The following TMPRSS9 variants were observed in gnomAD, a reference collection of about 807,000 sequenced individuals.
The protein encoded by TMPRSS9 is transmembrane protease serine 9.
In TMPRSS9, 113 loss-of-function variants were observed where a neutral mutation model predicts 111.4. The ratio of observed to expected loss-of-function variants is 1.01; its 90% CI spans 0.87 to 1.19. TMPRSS9 has a LOEUF of 1.19. Ranked by LOEUF, TMPRSS9 falls within the 50% of genes most tolerant of loss-of-function variation. TMPRSS9 has a pLI of 0.00. For missense variants in TMPRSS9, 1,803 were observed against 1,513.1 expected (o/e 1.19, Z -3.18); for synonymous variants, 805 against 659.1 (o/e 1.22, Z -3.39).
chr19:2,374,388 T>C (rs1432553341), intron 1 of TMPRSS9, among the ~76,000 whole-genome samples: 2 of 130,990 alleles, frequency 1.5e-5, no homozygotes, highest in African/African-American at 3.2e-5. Context: ...CCCTGACCAA[T>C]ATGGTGAAAC....
Position 2,402,070 on chromosome 19 carries a change from C to T in TMPRSS9, c.556+54C>T. The stretch of plus-strand genomic sequence containing the variant: ...GATTGCAGTTACTGACAGAGGTTTC[C>T]TAAGACTCATTTCAAGGAAGTGAAG... On this transcript the variant is annotated intron_variant, in intron 5 of 17. Transcript: ENST00000648592. The T allele has an allele frequency of 8.3e-6, 13 of 1,563,828 alleles. No individual in the cohort carries two copies. The South Asian group carries it at 1.5e-4, about 17-fold the overall frequency.
At chr19:2,404,506 G>A (rs1370398947) in intron 6 of TMPRSS9, among the ~76,000 whole-genome samples, 1 of 150,140 alleles carries the variant, frequency 6.7e-6, no homozygotes, top group Non-Finnish European at 1.5e-5. Flanking sequence ...TCACGCCACT[G>A]TACTCCAGCC....
At chr19:2,361,713 TC>T (rs1970200328) in intron 1 of TMPRSS9, among the ~76,000 whole-genome samples, 1 of 152,164 alleles carries the variant, frequency 6.6e-6, no homozygotes, top group Non-Finnish European at 1.5e-5. Flanking sequence ...ACCTTCGACT[TC>T]CTTCCGTCAT....
rs1360249880 is a variant in TMPRSS9 at position 2,398,982 on chromosome 19, C to T, written c.339-36C>T. ...CAGAAGATTCCAGCAGGGCGGAGCCCCTCCCTCTCCAAGGGCCTCTCCTCC... is the reference window on the plus strand; with the variant it reads ...CAGAAGATTCCAGCAGGGCGGAGCCTCTCCCTCTCCAAGGGCCTCTCCTCC... On this transcript the variant is annotated intron_variant, in intron 3 of 17. Transcript: ENST00000648592. 1.9e-6 allele frequency: 3 copies of T among 1,596,200 alleles called. No individual in the cohort carries two copies. The African/African-American group carries it at 4.0e-5, about 21-fold the overall frequency.
exon 18 of TMPRSS9, chr19:2,426,083 G>A (rs753582776): frequency 3.1e-6 from 5 of 1,601,794 alleles, no homozygotes; most frequent in African/African-American, 2.7e-5. Flanking sequence ...GCACATCCAG[G>A]AGTGACCACC....
At chr19:2,380,249 AC>A (rs1555676606) in intron 1 of TMPRSS9, among the ~76,000 whole-genome samples, 2 of 151,648 alleles carry the variant, frequency 1.3e-5, no homozygotes, top group Non-Finnish European at 2.9e-5. Context: ...GTGCCACTGC[AC>A]CCTAGCCTGG....
intron 9 of TMPRSS9, 133 bp downstream of exon 10, chr19:2,410,527 C>A: frequency 1.6e-6 from 2 of 1,266,016 alleles, no homozygotes; most frequent in Non-Finnish European, 2.1e-6. Flanking sequence ...AAAACACAGA[C>A]ACGAGCGTGT....
In TMPRSS9 at chr19:2,415,853, C is replaced by T. The variant is rs1449261407; in HGVS notation, c.1745+12C>T. The T allele has an allele frequency of 6.4e-7, 1 of 1,566,470 alleles. No homozygotes were observed. Among genetic ancestry groups the T allele is most frequent in the Non-Finnish European group, 8.7e-7 (1 of 1,151,348 alleles). On this transcript the variant is annotated intron_variant, in intron 11 of 17. Transcript: ENST00000648592. ...CACTGCTTCAACCAGTAAGGCCCGCCTCCTCCAGGAAGGCTGCCCGGCTTC... is the reference window on the plus strand; with the variant it reads ...CACTGCTTCAACCAGTAAGGCCCGCTTCCTCCAGGAAGGCTGCCCGGCTTC...
chr19:2,424,111 G>T (rs368286341), exon 15 of TMPRSS9: 3 of 1,335,482 alleles, frequency 2.2e-6, no homozygotes, highest in East Asian at 3.0e-5. Flanking sequence ...CGCCGGCCGC[G>T]CTCACCAGGA....
At chr19:2,415,679 C>T (rs1422944750) in exon 11 of TMPRSS9, 2 of 1,595,906 alleles carry the variant, frequency 1.3e-6, no homozygotes, top group Non-Finnish European at 1.7e-6. Context: ...GAATGTGGGG[C>T]CAGGCCTGCA....
chr19:2,395,664 G>A (rs749972713), intron 1 of TMPRSS9, among the ~76,000 whole-genome samples: 2 of 151,862 alleles, frequency 1.3e-5, no homozygotes, highest in African/African-American at 2.4e-5. Context: ...ACAGTGAGGC[G>A]AGATCATGCC....
At chr19:2,393,053 T>TC (rs1970631683) in intron 1 of TMPRSS9, among the ~76,000 whole-genome samples, 1 of 152,084 alleles carries the variant, frequency 6.6e-6, no homozygotes, top group South Asian at 2.1e-4. Context: ...CAGCTCTCTG[T>TC]AAAATGGACC....
intron 1 of TMPRSS9, among the ~76,000 whole-genome samples, chr19:2,377,243 C>CTGTATGTATGTATGTATGTATGTA (rs71178267): frequency 7.4e-6 from 1 of 135,102 alleles, no homozygotes; most frequent in Non-Finnish European, 1.6e-5. Context: ...TCTTTTTTTA[C>CTGTATGTATGTATGTATGTATGTA]TGTATGTATG....
rs1198106187 is a variant in TMPRSS9, at chr19:2,390,231, G to GTTTTTTTTTT, written c.142+306_142+315dup. Reference sequence around the variant, plus strand: ...GCAAATCAGCAAAATACCCAAAGTAGTTTTTTTTTTTGTTTTTTTTTTTTT... The same window carrying GTTTTTTTTTT: ...GCAAATCAGCAAAATACCCAAAGTAGTTTTTTTTTTTTTTTTTTTTTGTTTTTTTTTTTTT... On this transcript the variant is annotated intron_variant, in intron 1 of 17. Transcript: ENST00000648592. 1.4e-4 allele frequency among the ~76,000 whole-genome samples: 16 copies of GTTTTTTTTTT among 110,588 alleles called. 2 individuals are homozygous for GTTTTTTTTTT. Among genetic ancestry groups the GTTTTTTTTTT allele is most frequent in the African/African-American group, 5.4e-4 (15 of 27,946 alleles). The allele number at this position is 110,588 out of a possible 152,430, so 72.6% of individuals were successfully genotyped here.
chr19:2,395,349 C>G (rs1970684209), intron 1 of TMPRSS9, among the ~76,000 whole-genome samples: 1 of 152,084 alleles, frequency 6.6e-6, no homozygotes, highest in Admixed American at 6.6e-5. Context: ...AGGAGGATCG[C>G]TTGAACCCGG....
At chr19:2,403,116 C>A in exon 6 of TMPRSS9, 1 of 1,612,492 alleles carries the variant, frequency 6.2e-7, no homozygotes, top group African/African-American at 1.3e-5. Context: ...CCTGCGGGAA[C>A]AGCCAGTGTG....
chr19:2,386,105 C>T (rs1190230938), upstream of TMPRSS9, among the ~76,000 whole-genome samples: 1 of 152,016 alleles, frequency 6.6e-6, no homozygotes, highest in Non-Finnish European at 1.5e-5. Flanking sequence ...CCCCACCATG[C>T]CCAGCTAATT....
At chr19:2,375,900 C>T (rs972949068) in intron 1 of TMPRSS9, among the ~76,000 whole-genome samples, 1 of 152,146 alleles carries the variant, frequency 6.6e-6, no homozygotes, top group Non-Finnish European at 1.5e-5. Flanking sequence ...CTGGAAGTCT[C>T]AGGATGAGTG....
chr19:2,379,976 C>T (rs1027558352), intron 1 of TMPRSS9, among the ~76,000 whole-genome samples: 5 of 151,750 alleles, frequency 3.3e-5, no homozygotes, highest in African/African-American at 7.3e-5. Context: ...CTCGACCTCC[C>T]ATAGTGCTCA....
Sources: allele counts gnomAD v4.1 joint callset (sites outside exome capture counted in the v4.1 genomes callset), GRCh38; gene constraint gnomAD v4.1.1; transcripts MANE v1.5; gene names NCBI Gene and HGNC (gene_info 2026-07-23, HGNC 2026-07-21).